The following NUDT16L1 variants were observed in gnomAD, a reference collection of about 807,000 sequenced individuals.
NUDT16L1 encodes the protein nudix hydrolase 16 like 1.
A neutral mutation model predicts 17.3 loss-of-function variants in NUDT16L1; 19 were observed. The ratio of observed to expected loss-of-function variants is 1.10; its 90% CI spans 0.77 to 1.61. The LOEUF (loss-of-function observed/expected upper bound fraction) is 1.61. NUDT16L1 is among the 40% of genes most tolerant of loss of function. NUDT16L1 has a pLI of 0.00. For synonymous variants in NUDT16L1, 255 were observed against 138.6 expected (o/e 1.84, Z -5.90); for missense variants, 341 against 292.0 (o/e 1.17, Z -1.22).
chr16:4,695,296 A>T, exon 3 of NUDT16L1: 1 of 1,016,734 alleles, frequency 9.8e-7, no homozygotes, highest in Non-Finnish European at 1.4e-6. Flanking sequence ...GCGAGTGGGC[A>T]TCCTGTCATC....
At chr16:4,695,716 T>C (rs2079527675) in exon 3 of NUDT16L1, 1 of 401,350 alleles carries the variant, frequency 2.5e-6, no homozygotes, top group Non-Finnish European at 4.4e-6. Context: ...ACGTGTGAAC[T>C]GTGGGTGAGG....
exon 2 of NUDT16L1, chr16:4,694,097 C>T (rs1596329323): frequency 6.3e-7 from 1 of 1,591,526 alleles, no homozygotes; most frequent in Non-Finnish European, 8.5e-7. Context: ...GCCTGCGCCT[C>T]ACCGAGGCCG....
chr16:4,695,046 C>A lies in NUDT16L1; in HGVS notation c.503C>A (p.Thr168Lys). 1 of 1,613,456 alleles carries A rather than the reference C, an allele frequency of 6.2e-7. No individual in the cohort carries two copies. Among genetic ancestry groups the A allele is most frequent in the Non-Finnish European group, 8.5e-7 (1 of 1,180,010 alleles). The change falls in exon 3 of 3, where the codon ACG becomes AAG. Residue 168 changes from threonine to lysine, a missense_variant. Physicochemically the swap from Thr to Lys is moderately conservative, Grantham distance 78 (BLOSUM62 -1). Coordinates refer to ENST00000304301, the Ensembl canonical transcript of NUDT16L1. ...TTCCTGAGCAACGCCTTCGTGAGCA[C>A]GGCTAAGTGCCAGCTCCTCTTTGCC...
exon 1 of NUDT16L1, chr16:4,693,715 G>A (rs758438876): frequency 6.0e-6 from 9 of 1,499,678 alleles, no homozygotes; most frequent in African/African-American, 1.4e-5. Flanking sequence ...CGGGGACGGG[G>A]TCAGTGCCAA....
exon 3 of NUDT16L1, chr16:4,695,200 A>T (rs944168422): frequency 1.2e-6 from 2 of 1,606,180 alleles, no homozygotes; most frequent in Middle Eastern, 1.7e-4. Context: ...AGCTGGTGGC[A>T]CCCTCCCCTG....
chr16:4,694,513 TG>T, intron 2 of NUDT16L1: 1 of 1,281,466 alleles, frequency 7.8e-7, no homozygotes, highest in Admixed American at 3.4e-5. Context: ...GTGGGATCGG[TG>T]GGGAGGAAGG....
rs149968687 is a variant in NUDT16L1, at chr16:4,694,969, C to T, written c.426C>T (p.Leu142=). The change falls in exon 3 of 3, where the codon CTC becomes CTT. Residue 142 remains leucine, a synonymous_variant. Transcript: ENST00000304301. ...TCCTGTCTGCGCAGGTGCTGGGCCT[C>T]GTGCGGGTCCCGCTGTACACCCAGA... The T allele has an allele frequency of 1.1e-5, 17 of 1,609,208 alleles. No homozygotes were observed. The highest frequency in any genetic ancestry group is 8.0e-5 in the African/African-American group (6 of 74,886).
chr16:4,694,686 G>A (rs1206358490), intron 2 of NUDT16L1: 51 of 1,425,246 alleles, frequency 3.6e-5, no homozygotes, highest in African/African-American at 4.3e-5. Flanking sequence ...TGGGTGGACG[G>A]GGGGAGCATG....
chr16:4,694,996 G>A (rs768522059), exon 3 of NUDT16L1: 58 of 1,612,126 alleles, frequency 3.6e-5, no homozygotes, highest in South Asian at 6.6e-5. Context: ...ACACCCAGAA[G>A]GACCGAGTCG....
chr16:4,694,129 C>G (rs1334611859), exon 2 of NUDT16L1: 1 of 1,589,462 alleles, frequency 6.3e-7, no homozygotes, highest in Non-Finnish European at 8.5e-7. Context: ...TCGCACCTGA[C>G]CGAGGGCCCA....
intron 2 of NUDT16L1, 154 bp downstream of exon 2, chr16:4,694,392 GC>G: frequency 6.7e-7 from 1 of 1,486,456 alleles, no homozygotes; most frequent in Non-Finnish European, 8.9e-7. Context: ...GGGGTCTGGG[GC>G]TGGGAGGCCG....
At chr16:4,694,073 C>T in exon 2 of NUDT16L1, 1 of 1,589,724 alleles carries the variant, frequency 6.3e-7, no homozygotes, top group Non-Finnish European at 8.5e-7. Flanking sequence ...GGGTGCTGGG[C>T]CTGGGCCTGG....
intron 2 of NUDT16L1, chr16:4,694,686 G>GGGGGAGCAT (rs1366137480): frequency 2.1e-6 from 3 of 1,425,246 alleles, no homozygotes; most frequent in Admixed American, 5.8e-5. Context: ...TGGGTGGACG[G>GGGGGAGCAT]GGGGAGCATG....
exon 2 of NUDT16L1, chr16:4,694,016 G>A (rs2079480300): frequency 3.2e-6 from 5 of 1,584,602 alleles, no homozygotes; most frequent in Non-Finnish European, 4.3e-6. Flanking sequence ...GCTTCCCCGG[G>A]GGCTTCGTGG....
chr16:4,694,340 G>C, intron 2 of NUDT16L1, 102 bp downstream of exon 2: 2 of 1,487,878 alleles, frequency 1.3e-6, no homozygotes, highest in Non-Finnish European at 1.8e-6. Flanking sequence ...CCCTGGCCGG[G>C]CTGGGTCGGG....
chr16:4,694,984 G>C (rs372562614), exon 3 of NUDT16L1: 13 of 1,611,330 alleles, frequency 8.1e-6, no homozygotes, highest in South Asian at 6.6e-5. Flanking sequence ...GGGTCCCGCT[G>C]TACACCCAGA....
At position 4,695,221 on chromosome 16, in the gene NUDT16L1, C is replaced by G. The variant is rs954012683; in HGVS notation, c.*42C>G. On this transcript the variant is annotated 3_prime_UTR_variant, in exon 3 of 3. Coordinates refer to ENST00000304301, the Ensembl canonical transcript of NUDT16L1. ...TGGCACCCTCCCCTGGGCCGGAAGA[C>G]TGGGAATTCCTGCTAAGTGTGGCTT... 2.7e-5 allele frequency: 43 copies of G among 1,584,104 alleles called. No homozygotes were observed. The Admixed American group carries it at 5.4e-4, about 20-fold the overall frequency.
At chr16:4,694,594 G>A in intron 2 of NUDT16L1, 2 of 1,435,550 alleles carry the variant, frequency 1.4e-6, no homozygotes, top group Non-Finnish European at 1.8e-6. Context: ...TAAAACTTGG[G>A]AACCTCATGT....
At chr16:4,694,958 G>GTGC in exon 3 of NUDT16L1, 1 of 1,607,080 alleles carries the variant, frequency 6.2e-7, no homozygotes, top group Non-Finnish European at 8.5e-7. Context: ...GTCTGCGCAG[G>GTGC]TGCTGGGCCT....
Sources: gnomAD v4.1 joint callset for allele counts on GRCh38, gnomAD v4.1.1 for gene constraint, MANE v1.5 for transcripts, NCBI Gene and HGNC (gene_info 2026-07-23, HGNC 2026-07-21) for gene names.